Variants in CHRNA9 observed in about 807,000 individuals in gnomAD.
CHRNA9 encodes the protein neuronal acetylcholine receptor subunit alpha-9.
Under a neutral mutation model 36.8 loss-of-function variants are expected in CHRNA9, and 24 were observed. The observed-to-expected ratio is 0.65, with a 90% CI of 0.47 to 0.92. The LOEUF is 0.92. Among genes scored for constraint, CHRNA9 ranks in the 40% least tolerant of loss-of-function variants. The pLI is 0.00. For missense variants in CHRNA9, 610 were observed against 601.2 expected (o/e 1.01, Z -0.15); for synonymous variants, 231 against 231.8 (o/e 1.00, Z 0.03).
intron 2 of CHRNA9, among the ~76,000 whole-genome samples, chr4:40,336,922 T>C (rs1712339747): frequency 6.6e-6 from 1 of 152,198 alleles, no homozygotes. Context: ...TTCAAGTACA[T>C]CATTCATTGA....
At chr4:40,345,485 GC>G (rs1712613176) in intron 3 of CHRNA9, among the ~76,000 whole-genome samples, 1 of 152,148 alleles carries the variant, frequency 6.6e-6, no homozygotes, top group African/African-American at 2.4e-5. Context: ...ACCCAGGCAG[GC>G]AGATTACCTG....
intron 3 of CHRNA9, among the ~76,000 whole-genome samples, chr4:40,339,450 AG>A (rs1179982641): frequency 6.6e-6 from 1 of 151,008 alleles, no homozygotes; most frequent in South Asian, 2.1e-4. Context: ...TGGGAGGCCG[AG>A]GGGGGCGGAT....
In CHRNA9 at chr4:40,349,060, C is replaced by G. The variant is rs1463134741; in HGVS notation, c.544C>G (p.Gln182Glu). ...TGGTTCCTGGACCTACAATGGCAAT[C>G]AGGTGGACATATTCAACGCCTTGGA... The part of the protein sequence containing the change: ...TFGSWTYNGN[Q>E]VDIFNALDSG... The change falls in exon 4 of 5, where the codon CAG (glutamine) becomes GAG (glutamate). Residue 182 changes from glutamine to glutamate, a missense_variant. Transcript: ENST00000310169. 6.2e-7 allele frequency: 1 copy of G among 1,614,042 alleles called. No homozygotes were observed. The highest frequency in any genetic ancestry group is 8.5e-7 in the Non-Finnish European group (1 of 1,180,018).
chr4:40,349,130 T>C lies in CHRNA9; in HGVS notation c.614T>C (p.Val205Ala). ...TTCATTGAAGATGTGGAATGGGAGG[T>C]CCATGGCATGCCCGCTGTGAAGAAT... Reference protein sequence around the residue: ...SDFIEDVEWEVHGMPAVKNVI... With the variant: ...SDFIEDVEWEAHGMPAVKNVI... The change falls in exon 4 of 5, where the codon GTC (valine) becomes GCC (alanine). Residue 205 changes from valine to alanine, a missense_variant. Transcript: ENST00000310169. The C allele has an allele frequency of 4.3e-6, 7 of 1,614,006 alleles. No individual in the cohort carries two copies. Among genetic ancestry groups the C allele is most frequent in the South Asian group, 1.1e-5 (1 of 91,068 alleles).
chr4:40,336,472 T>G (rs1712321988), intron 2 of CHRNA9, among the ~76,000 whole-genome samples: 1 of 148,580 alleles, frequency 6.7e-6, no homozygotes, highest in Admixed American at 6.9e-5. Context: ...AGTTTTAATG[T>G]GAATTTGATC....
At chr4:40,336,162 A>T (rs931755708) in intron 2 of CHRNA9, among the ~76,000 whole-genome samples, 190 bp downstream of exon 2, 1 of 152,224 alleles carries the variant, frequency 6.6e-6, no homozygotes, top group Non-Finnish European at 1.5e-5. Context: ...ACGTTACCTA[A>T]TCCTGGTCAT....
intron 4 of CHRNA9, among the ~76,000 whole-genome samples, chr4:40,353,254 G>C (rs1712853820): frequency 6.6e-6 from 1 of 152,192 alleles, no homozygotes; most frequent in Non-Finnish European, 1.5e-5. Flanking sequence ...ATTTTGAGAG[G>C]CCGGGGTAGG....
chr4:40,337,269 C>G lies in CHRNA9; in HGVS notation c.270C>G (p.Ala90=), dbSNP rs114307446. ...YLWIRQIWHD[A]YLTWDRDQYD... is the part of the protein sequence containing the mutation. ...GGATCCGCCAAATCTGGCACGATGC[C>G]TATCTCACGTGGGACCGAGATCAGT... Residue 90 remains alanine (A), a synonymous_variant, in exon 3 of 5, where the codon GCC becomes GCG. Coordinates refer to ENST00000310169, the MANE Select transcript of CHRNA9 (RefSeq NM_017581.4). 1,220 of 1,614,176 alleles carry G rather than the reference C, an allele frequency of 7.6e-4. 3 individuals are homozygous for G. The African/African-American group carries it at 0.013, about 17-fold the overall frequency.
rs767992036 is a variant in CHRNA9 at position 40,349,175 on chromosome 4, G to A, written c.659G>A (p.Cys220Tyr). The A allele has an allele frequency of 6.2e-7, 1 of 1,614,162 alleles. No homozygotes were observed. Among genetic ancestry groups the A allele is most frequent in the East Asian group, 2.2e-5 (1 of 44,890 alleles). ...AVKNVISYGC[C>Y]SEPYPDVTFT... Reference sequence around the variant, plus strand: ...AAGAATGTGATCTCCTATGGCTGCTGCTCTGAGCCTTACCCGGATGTCACA... The same window carrying A: ...AAGAATGTGATCTCCTATGGCTGCTACTCTGAGCCTTACCCGGATGTCACA... Residue 220 changes from cysteine to tyrosine, a missense_variant, in exon 4 of 5, where the codon TGC becomes TAC. Transcript: ENST00000310169.
chr4:40,349,569 T>C, intron 4 of CHRNA9, 155 bp downstream of exon 4: 1 of 671,324 alleles, frequency 1.5e-6, no homozygotes, highest in Non-Finnish European at 2.6e-6. Flanking sequence ...AGTTAGCATC[T>C]TTCAATATAG....
In CHRNA9 at chr4:40,335,825, A is replaced by G. The variant is rs777975444; in HGVS notation, c.65-2A>G. ...TTAATCCAGATCCCTCTTGTTGAGT[A>G]GCTGCAGAGACGGCAGATGGAAAAT... On this transcript the variant is annotated splice_acceptor_variant, in intron 1 of 4. Coordinates refer to ENST00000310169, the MANE Select transcript of CHRNA9 (RefSeq NM_017581.4). LOFTEE classifies it high-confidence loss of function. The G allele has an allele frequency of 6.2e-7, 1 of 1,612,018 alleles. No homozygotes were observed. The highest frequency in any genetic ancestry group is 1.1e-5 in the South Asian group (1 of 90,802).
chr4:40,348,162 AG>A (rs1712686320), intron 3 of CHRNA9: 1 of 152,384 alleles, frequency 6.6e-6, no homozygotes, highest in Non-Finnish European at 1.5e-5. Context: ...TGTTGGACCA[AG>A]CCTGGGCCAC....
chr4:40,348,659 T>A (rs1435899691), intron 3 of CHRNA9, among the ~76,000 whole-genome samples: 1 of 152,120 alleles, frequency 6.6e-6, no homozygotes, highest in Non-Finnish European at 1.5e-5. Flanking sequence ...AGAGAAGAGA[T>A]GCTTTAAAGG....
intron 3 of CHRNA9, 34 bp from the exon 4 acceptor site, chr4:40,348,848 C>A (rs770981888): frequency 2.5e-6 from 4 of 1,597,942 alleles, no homozygotes; most frequent in Non-Finnish European, 2.6e-6. Context: ...GTTCTCCTAG[C>A]ATGCGGCTTT....
chr4:40,342,277 T>C (rs952527566), intron 3 of CHRNA9, among the ~76,000 whole-genome samples: 4 of 152,198 alleles, frequency 2.6e-5, no homozygotes, highest in Admixed American at 6.5e-5. Context: ...GAGGATGAAT[T>C]TGATGTTCAG....
chr4:40,337,416 T>C lies in CHRNA9; in HGVS notation c.365+52T>C, dbSNP rs1043679212. The C allele has an allele frequency of 4.5e-6, 7 of 1,570,694 alleles. No individual in the cohort carries two copies. The African/African-American group carries it at 5.4e-5, about 12-fold the overall frequency. On this transcript the variant is annotated intron_variant, in intron 3 of 4. Transcript: ENST00000310169. ...TTCAGGCATGAACGTGTTGATTTCA[T>C]AGAATTTAAACATAATGAAAAAGGA...
chr4:40,352,937 G>T (rs1177820212), intron 4 of CHRNA9, among the ~76,000 whole-genome samples: 1 of 152,156 alleles, frequency 6.6e-6, no homozygotes, highest in Non-Finnish European at 1.5e-5. Context: ...CATGATCTCA[G>T]CAAACATTTC....
At chr4:40,336,245 T>C (rs903120832) in intron 2 of CHRNA9, among the ~76,000 whole-genome samples, 1 of 152,146 alleles carries the variant, frequency 6.6e-6, no homozygotes, top group Non-Finnish European at 1.5e-5. Flanking sequence ...ATATAAAATG[T>C]CCAAAAGAGG....
intron 3 of CHRNA9, among the ~76,000 whole-genome samples, chr4:40,341,691 T>C (rs574796864): frequency 6.6e-6 from 1 of 152,102 alleles, no homozygotes; most frequent in East Asian, 1.9e-4. Flanking sequence ...CTCTGTGGAG[T>C]GTGGTTTCGT....
Sources: gnomAD v4.1 joint callset for allele counts (sites outside exome capture counted in the v4.1 genomes callset) on GRCh38, gnomAD v4.1.1 for gene constraint, MANE v1.5 for transcripts, NCBI Gene and HGNC (gene_info 2026-07-23, HGNC 2026-07-21) for gene names.